AGMO: variants seen among roughly 807,000 people sequenced by gnomAD.
AGMO encodes the protein glyceryl-ether monooxygenase.
In AGMO, 75 loss-of-function variants were observed where a neutral mutation model predicts 60.2. That is an observed-to-expected ratio of 1.25 (90% CI 1.03 to 1.51). AGMO has a LOEUF of 1.51. AGMO is among the 40% of genes most tolerant of loss of function. The pLI, the probability that AGMO is intolerant of heterozygous loss-of-function variation, is 0.00. For missense variants in AGMO, 763 were observed against 525.5 expected (o/e 1.45, Z -4.42); for synonymous variants, 261 against 177.1 (o/e 1.47, Z -3.76).
At chr7:15,446,562 A>G (rs1450021131) in intron 3 of AGMO, among the ~76,000 whole-genome samples, 3 of 152,216 alleles carry the variant, frequency 2.0e-5, no homozygotes, top group Non-Finnish European at 4.4e-5. Flanking sequence ...AAACACACAC[A>G]TACTTTGAGA....
the AGMO span, among the ~76,000 whole-genome samples, chr7:15,141,081 T>A: frequency 8.2e-4 from 125 of 152,242 alleles, no homozygotes; most frequent in Middle Eastern, 3.4e-3. Context: ...ATTAATTAAA[T>A]CATCTAAGAA....
At chr7:15,384,226 C>T (rs1783819573) in intron 10 of AGMO, among the ~76,000 whole-genome samples, 1 of 152,264 alleles carries the variant, frequency 6.6e-6, no homozygotes, top group African/African-American at 2.4e-5. Flanking sequence ...CATGAGCCAC[C>T]ACGCCCAGCC....
intron 12 of AGMO, among the ~76,000 whole-genome samples, chr7:15,257,687 T>A (rs1260953223): frequency 6.6e-6 from 1 of 152,206 alleles, no homozygotes; most frequent in Non-Finnish European, 1.5e-5. Context: ...ATAATTCAGC[T>A]GAAACACTAT....
rs1490951913 is a variant in AGMO at position 15,367,055 on chromosome 7, CT to C, written c.1075-834del. On this transcript the variant is annotated intron_variant, in intron 10 of 12. Coordinates refer to ENST00000342526, the MANE Select transcript of AGMO (RefSeq NM_001004320.2). ...TTTATTGTTTAAAATTCTTTACATT[CT>C]GTATAAAAACTAATTCTTTTGGAAA... Among the ~76,000 whole-genome samples, 7 of 151,982 alleles carry C rather than the reference CT, an allele frequency of 4.6e-5. No individual in the cohort carries two copies. The South Asian group carries it at 6.2e-4, about 13-fold the overall frequency.
At chr7:15,198,713 G>A (rs1383546170), downstream of AGMO, among the ~76,000 whole-genome samples, 1 of 152,072 alleles carries the variant, frequency 6.6e-6, no homozygotes, top group African/African-American at 2.4e-5. Flanking sequence ...AAAAATCAAA[G>A]AGCCTTGAAG....
chr7:15,388,119 C>A (rs1783999594), intron 8 of AGMO, among the ~76,000 whole-genome samples: 1 of 151,956 alleles, frequency 6.6e-6, no homozygotes, highest in Non-Finnish European at 1.5e-5. Context: ...TTGGCTTTAT[C>A]AGAATTTGTG....
chr7:15,161,426 A>C, the AGMO span, among the ~76,000 whole-genome samples: 1 of 151,812 alleles, frequency 6.6e-6, no homozygotes, highest in Admixed American at 6.6e-5. Context: ...CTCTCTATAT[A>C]TAAATATGTA....
At chr7:15,208,713 T>C (rs1334108824) in intron 12 of AGMO, among the ~76,000 whole-genome samples, 1 of 152,176 alleles carries the variant, frequency 6.6e-6, no homozygotes, top group Non-Finnish European at 1.5e-5. Context: ...TTCTTTAACT[T>C]TCTTATTTTA....
intron 4 of AGMO, among the ~76,000 whole-genome samples, chr7:15,423,319 T>C (rs547473696): frequency 6.6e-6 from 1 of 152,324 alleles, no homozygotes; most frequent in East Asian, 1.9e-4. Flanking sequence ...ATAGAGAGCA[T>C]TGATCTCTGT....
chr7:15,403,061 C>A (rs1479749678), intron 5 of AGMO, among the ~76,000 whole-genome samples: 4 of 151,770 alleles, frequency 2.6e-5, no homozygotes, highest in Admixed American at 1.3e-4. Flanking sequence ...ATTTTGTTTT[C>A]CTTTGGGACT....
chr7:15,371,389 AT>A (rs528877003), intron 10 of AGMO, among the ~76,000 whole-genome samples: 1,816 of 142,856 alleles, frequency 0.013, 32 homozygotes, highest in African/African-American at 0.039. Context: ...CGCACAGCTA[AT>A]TTTTTTTTTT....
intron 12 of AGMO, among the ~76,000 whole-genome samples, chr7:15,305,854 G>T (rs757853222): frequency 9.9e-5 from 15 of 151,916 alleles, no homozygotes; most frequent in Non-Finnish European, 2.1e-4. Flanking sequence ...TGAATCATTA[G>T]TAAAATGGCA....
At chr7:15,530,805 T>C (rs1053414333) in intron 3 of AGMO, among the ~76,000 whole-genome samples, 3 of 119,986 alleles carry the variant, frequency 2.5e-5, no homozygotes, top group African/African-American at 6.5e-5. Context: ...TTTCTCTATA[T>C]ATTCTATATA....
chr7:15,150,231 G>C, the AGMO span, among the ~76,000 whole-genome samples: 2 of 152,158 alleles, frequency 1.3e-5, no homozygotes, highest in East Asian at 1.9e-4. Flanking sequence ...CCTAGGTACA[G>C]AGTCATATCA....
chr7:15,342,988 G>C (rs1326601262), intron 12 of AGMO, among the ~76,000 whole-genome samples: 1 of 151,960 alleles, frequency 6.6e-6, no homozygotes, highest in Admixed American at 6.6e-5. Context: ...GTAGGTACTA[G>C]TGTCATTCCC....
downstream of AGMO, among the ~76,000 whole-genome samples, chr7:15,197,250 A>T (rs1279858960): frequency 6.6e-6 from 1 of 152,254 alleles, no homozygotes; most frequent in East Asian, 1.9e-4. Context: ...CTTATTTTCT[A>T]TTGTTCTCCC....
chr7:15,358,254 A>T (rs532646565), intron 12 of AGMO: 25 of 259,428 alleles, frequency 9.6e-5, no homozygotes, highest in South Asian at 9.2e-4. Flanking sequence ...AGATCAATAA[A>T]AATTGAAGAG....
chr7:15,322,834 C>G (rs1273624120), intron 12 of AGMO, among the ~76,000 whole-genome samples: 2 of 137,308 alleles, frequency 1.5e-5, no homozygotes, highest in Non-Finnish European at 3.0e-5. Flanking sequence ...ACACATAGCA[C>G]AAAATTATAA....
At chr7:15,207,558 C>A (rs1781470643) in intron 12 of AGMO, among the ~76,000 whole-genome samples, 1 of 152,124 alleles carries the variant, frequency 6.6e-6, no homozygotes, top group African/African-American at 2.4e-5. Context: ...ATGTTCTGAC[C>A]TAACTTCTCA....
Sources: gnomAD v4.1 joint callset for allele counts (sites outside exome capture counted in the v4.1 genomes callset) on GRCh38, gnomAD v4.1.1 for gene constraint, MANE v1.5 for transcripts, NCBI Gene and HGNC (gene_info 2026-07-23, HGNC 2026-07-21) for gene names.